The following MYO5B variants were observed in gnomAD, a reference collection of about 807,000 sequenced individuals.
MYO5B encodes myosin VB, also known as unconventional myosin-Vb.
A neutral mutation model predicts 229.3 loss-of-function variants in MYO5B; 143 were observed. The ratio of observed to expected loss-of-function variants is 0.62; its 90% CI spans 0.54 to 0.72. MYO5B has a LOEUF of 0.72. MYO5B is among the 30% of genes least tolerant of loss of function. The probability of loss-of-function intolerance (pLI) is 0.00; values close to 1 mark genes in which losing one functional copy is unlikely to be tolerated. For missense variants in MYO5B, 2,321 were observed against 2,331.0 expected, an observed-to-expected ratio of 1.00 and a Z score of 0.09; for synonymous variants, 918 against 885.2, an observed-to-expected ratio of 1.04 and a Z score of -0.66.
intron 30 of MYO5B, among the ~76,000 whole-genome samples, chr18:49,853,928 T>C (rs2024231377): frequency 6.6e-6 from 1 of 152,252 alleles, no homozygotes; most frequent in African/African-American, 2.4e-5. Flanking sequence ...CATAGTTTAA[T>C]GGTTTGGGAT....
At chr18:49,966,023 T>C (rs2144266893) in intron 10 of MYO5B, among the ~76,000 whole-genome samples, 1 of 152,232 alleles carries the variant, frequency 6.6e-6, no homozygotes, top group Non-Finnish European at 1.5e-5. Context: ...GCATAGTCCC[T>C]CAGTACCACC....
chr18:49,875,752 G>C lies in MYO5B; in HGVS notation c.3472C>G (p.Gln1158Glu), dbSNP rs746140443. The change falls in exon 26 of 40, where the codon CAG becomes GAG. Residue 1158 changes from glutamine (Q) to glutamate (E), a missense_variant. Gln to Glu is a conservative substitution (Grantham distance 29, BLOSUM62 2). This residue lies in a region of MYO5B where 2,113 missense variants were observed against 2,044.7 expected (regional missense o/e 1.03). Coordinates refer to ENST00000285039, the MANE Select transcript of MYO5B (RefSeq NM_001080467.3). ...KLQKRVRELE[Q>E]ERKKLQVQLE... ...TGCACTTGCAGCTTTTTCCTCTCCT[G>C]CTCCAGCTCCCGTACTCTCTTCTGC... 1 of 1,614,078 alleles carries C rather than the reference G, an allele frequency of 6.2e-7. No homozygotes were observed. Among genetic ancestry groups the C allele is most frequent in the Non-Finnish European group, 8.5e-7 (1 of 1,180,004 alleles).
At chr18:50,026,983 T>C (rs1489483213) in intron 4 of MYO5B, among the ~76,000 whole-genome samples, 1 of 152,172 alleles carries the variant, frequency 6.6e-6, no homozygotes, top group Non-Finnish European at 1.5e-5. Context: ...CCGCCTTGCT[T>C]CCCAGCATGT....
At chr18:50,192,480 A>G (rs1466681525) in intron 1 of MYO5B, among the ~76,000 whole-genome samples, 1 of 152,178 alleles carries the variant, frequency 6.6e-6, no homozygotes, top group East Asian at 1.9e-4. Context: ...TGCTCAAGCC[A>G]TTTTGCTTGT....
At chr18:50,012,705 G>A (rs1357267898) in intron 4 of MYO5B, among the ~76,000 whole-genome samples, 1 of 152,232 alleles carries the variant, frequency 6.6e-6, no homozygotes, top group East Asian at 1.9e-4. Context: ...CTATTGCTCA[G>A]CATCTGGGTG....
At chr18:50,024,085 G>A (rs2026305671) in intron 4 of MYO5B, among the ~76,000 whole-genome samples, 1 of 152,168 alleles carries the variant, frequency 6.6e-6, no homozygotes, top group African/African-American at 2.4e-5. Flanking sequence ...TGCTGAGCTG[G>A]AGTTCGTACA....
intron 2 of MYO5B, among the ~76,000 whole-genome samples, chr18:50,049,172 A>C (rs1275930046): frequency 6.6e-6 from 1 of 152,132 alleles, no homozygotes; most frequent in African/African-American, 2.4e-5. Context: ...CATATTCTAA[A>C]CCCTATATTG....
chr18:50,062,203 C>T (rs576927044), intron 1 of MYO5B, among the ~76,000 whole-genome samples: 33 of 152,192 alleles, frequency 2.2e-4, no homozygotes, highest in African/African-American at 5.1e-4. Context: ...AACAACGATA[C>T]GCCAAGTTAA....
At chr18:50,171,254 A>G (rs2032916160) in intron 1 of MYO5B, among the ~76,000 whole-genome samples, 1 of 128,150 alleles carries the variant, frequency 7.8e-6, no homozygotes, top group Non-Finnish European at 1.7e-5. Context: ...GAGATATTAA[A>G]TAACACTGCA....
chr18:50,042,604 CT>C (rs1271718869), intron 2 of MYO5B, among the ~76,000 whole-genome samples: 1 of 152,196 alleles, frequency 6.6e-6, no homozygotes, highest in Non-Finnish European at 1.5e-5. Context: ...TGTCCGAGGG[CT>C]GATTTTTATT....
rs56278513 is a variant in MYO5B at position 49,929,610 on chromosome 18, G to GA, written c.2004-13dup. 2.9e-3 allele frequency: 3,763 copies of GA among 1,283,880 alleles called. 4 individuals are homozygous for GA. The highest frequency in any genetic ancestry group is 3.4e-3 in the Non-Finnish European group (3,229 of 940,898). The allele number at this position is 1,283,880 out of a possible 1,614,324, so 79.5% of individuals were successfully genotyped here. On this transcript the variant is annotated splice_polypyrimidine_tract_variant and intron_variant, in intron 16 of 39. Coordinates refer to ENST00000285039, the MANE Select transcript of MYO5B (RefSeq NM_001080467.3). The stretch of plus-strand genomic sequence containing the variant: ...TCTTTGGGTCAAAGCTGCCAAAGGA[G>GA]AAAAAAAAAAAAAAAAGCAAGACAA...
chr18:50,008,892 C>T (rs2026132003), intron 4 of MYO5B, among the ~76,000 whole-genome samples: 1 of 152,164 alleles, frequency 6.6e-6, no homozygotes, highest in African/African-American at 2.4e-5. Flanking sequence ...TCAACACCAT[C>T]ACCAAAACAC....
intron 8 of MYO5B, among the ~76,000 whole-genome samples, chr18:49,981,711 G>A (rs530135648): frequency 5.3e-5 from 8 of 152,260 alleles, no homozygotes; most frequent in South Asian, 2.1e-4. Context: ...TGACCGGATC[G>A]CTGGCTACTA....
chr18:49,865,239 C>T (rs997399745), intron 27 of MYO5B, among the ~76,000 whole-genome samples: 7 of 152,118 alleles, frequency 4.6e-5, no homozygotes, highest in Non-Finnish European at 8.8e-5. Flanking sequence ...AAGCTGAGCC[C>T]AGGGAGGGGA....
At position 50,036,979 on chromosome 18, in the gene MYO5B, G is replaced by A; in HGVS notation, c.326C>T (p.Ala109Val). ...TGGCAACTGTTCATAAGGATTAATG[G>A]CAACAAGTACGATACCTGCAAACAG... ...IYTYCGIVLV[A>V]INPYEQLPIY... The change falls in exon 4 of 40, where the codon GCC becomes GTC. Residue 109 changes from alanine (A) to valine (V), a missense_variant. Physicochemically the swap from Ala to Val is moderately conservative, Grantham distance 64. Transcript: ENST00000285039. The A allele has an allele frequency of 3.1e-6, 5 of 1,614,080 alleles. No individual in the cohort carries two copies. Among genetic ancestry groups the A allele is most frequent in the Non-Finnish European group, 4.2e-6 (5 of 1,180,014 alleles).
chr18:49,965,455 T>TCACACACACACACACACACA (rs57101973), intron 10 of MYO5B, among the ~76,000 whole-genome samples: 39 of 147,214 alleles, frequency 2.6e-4, no homozygotes, highest in African/African-American at 9.4e-4. Flanking sequence ...ACACTTCTTT[T>TCACACACACACACACACACA]CACACACACA....
chr18:50,134,997 G>A (rs768632914), intron 1 of MYO5B, among the ~76,000 whole-genome samples: 5 of 152,152 alleles, frequency 3.3e-5, no homozygotes, highest in Non-Finnish European at 7.4e-5. Flanking sequence ...GGCTGATTTG[G>A]ATTGCTCTGC....
intron 4 of MYO5B, among the ~76,000 whole-genome samples, chr18:50,015,625 G>A (rs2026208060): frequency 6.6e-6 from 1 of 152,172 alleles, no homozygotes; most frequent in Non-Finnish European, 1.5e-5. Flanking sequence ...GTGTGCCCAG[G>A]GCAAGGGAAG....
chr18:50,087,241 A>C (rs76393728), intron 1 of MYO5B, among the ~76,000 whole-genome samples: 1,561 of 152,294 alleles, frequency 0.01, 21 homozygotes, highest in African/African-American at 0.035. Context: ...TGCTCTGAGG[A>C]TTCTACCCTG....
Sources: allele counts gnomAD v4.1 joint callset (sites outside exome capture counted in the v4.1 genomes callset), GRCh38; gene constraint gnomAD v4.1.1; regional missense constraint gnomAD v4.1.1; transcripts MANE v1.5; gene names NCBI Gene and HGNC (gene_info 2026-07-23, HGNC 2026-07-21).